Variants in ELMO1 observed in about 807,000 individuals in gnomAD.
ELMO1 encodes engulfment and cell motility protein 1.
ELMO1 carries 26 observed loss-of-function variants against 98.9 expected under a neutral mutation model. The observed-to-expected ratio is 0.26, with a 90% confidence interval of 0.19 to 0.36. The LOEUF is 0.36. Among genes scored for constraint, ELMO1 ranks in the 10% least tolerant of loss-of-function variants. The pLI is 1.00. For synonymous variants in ELMO1, 346 were observed against 346.0 expected, an observed-to-expected ratio of 1.00 and a Z score of 0.00; for missense variants, 627 against 935.2, an observed-to-expected ratio of 0.67 and a Z score of 4.30.
intron 1 of ELMO1, among the ~76,000 whole-genome samples, chr7:37,444,256 A>G (rs1293294205): frequency 2.0e-5 from 3 of 152,230 alleles, no homozygotes; most frequent in Non-Finnish European, 2.9e-5. Flanking sequence ...AGAATCATTC[A>G]TGTGGGGAAC....
intron 19 of ELMO1, among the ~76,000 whole-genome samples, chr7:36,875,237 A>G (rs751775672): frequency 2.0e-5 from 3 of 151,738 alleles, no homozygotes; most frequent in Non-Finnish European, 4.4e-5. Flanking sequence ...GCAGGCCTGC[A>G]GCAAGAAACT....
intron 1 of ELMO1, among the ~76,000 whole-genome samples, chr7:37,399,150 G>T (rs1803418427): frequency 6.6e-6 from 1 of 152,082 alleles, no homozygotes; most frequent in Admixed American, 6.5e-5. Context: ...TCCTTGATCT[G>T]CCCCCTGCTG....
chr7:37,426,184 C>T (rs1367045383), intron 1 of ELMO1, among the ~76,000 whole-genome samples: 2 of 113,102 alleles, frequency 1.8e-5, no homozygotes, highest in African/African-American at 6.9e-5. Flanking sequence ...GATGGAGTCT[C>T]ATTCTGTCAC....
At chr7:37,406,242 G>C (rs1308261167) in intron 1 of ELMO1, among the ~76,000 whole-genome samples, 1 of 150,670 alleles carries the variant, frequency 6.6e-6, no homozygotes, top group Non-Finnish European at 1.5e-5. Flanking sequence ...TGGTGCAAGG[G>C]AGAAATCTGC....
chr7:37,033,016 C>A (rs937232706), intron 15 of ELMO1, among the ~76,000 whole-genome samples: 1 of 152,150 alleles, frequency 6.6e-6, no homozygotes, highest in Non-Finnish European at 1.5e-5. Flanking sequence ...TTAGCCAAAA[C>A]GCCGAGAAGC....
intron 14 of ELMO1, among the ~76,000 whole-genome samples, chr7:37,123,608 A>T (rs1205850298): frequency 6.6e-6 from 1 of 152,242 alleles, no homozygotes; most frequent in Non-Finnish European, 1.5e-5. Flanking sequence ...ATCTCTGAAT[A>T]GACCAATAAC....
In ELMO1 at chr7:37,342,838, CT is replaced by C; in HGVS notation, c.-73-76del. The C allele has an allele frequency of 1.5e-6, 1 of 681,156 alleles. No individual in the cohort carries two copies. The allele number at this position is 681,156 out of a possible 1,614,324, so 42.2% of individuals were successfully genotyped here. On this transcript the variant is annotated intron_variant, in intron 1 of 21. Coordinates refer to ENST00000310758, the MANE Select transcript of ELMO1 (RefSeq NM_014800.11). This position sits in a 1 kb window ranked among gnomAD's most constrained non-coding sequence, Gnocchi z 4.3. ...AGGGTGAATTTTGCTTCATCACTTC[CT>C]GTTTTCACTGGTGGTTTGGTATGAA...
chr7:37,092,028 A>G (rs1439257575), intron 15 of ELMO1, among the ~76,000 whole-genome samples: 1 of 152,210 alleles, frequency 6.6e-6, no homozygotes, highest in Non-Finnish European at 1.5e-5. Flanking sequence ...AAACCATATC[A>G]TCCCTCAATC....
chr7:37,183,557 G>T (rs371997433), intron 13 of ELMO1, among the ~76,000 whole-genome samples: 41 of 56,850 alleles, frequency 7.2e-4, no homozygotes, highest in African/African-American at 2.7e-3. Context: ...TCAGGACCCA[G>T]AAGAGAGAGA....
chr7:36,913,912 T>C (rs1451976211), intron 16 of ELMO1, among the ~76,000 whole-genome samples: 1 of 152,204 alleles, frequency 6.6e-6, no homozygotes. Flanking sequence ...TGTTTGGAGT[T>C]TTAAAACTCC....
chr7:37,110,159 G>A lies in ELMO1; in HGVS notation c.1192-13432C>T, dbSNP rs1431602434. Among the ~76,000 whole-genome samples, 2 of 152,300 alleles carry A rather than the reference G, an allele frequency of 1.3e-5. 1 individual carries two copies. The highest frequency in any genetic ancestry group is 6.8e-3 in the Middle Eastern group (2 of 294). On this transcript the variant is annotated intron_variant, in intron 14 of 21. Coordinates refer to ENST00000310758, the MANE Select transcript of ELMO1 (RefSeq NM_014800.11). Reference sequence around the variant, plus strand: ...AAATATCAGGGAGATTAATTATCTCGCAGATGTTACATGCCAAAAAGGCTA... The same window carrying A: ...AAATATCAGGGAGATTAATTATCTCACAGATGTTACATGCCAAAAAGGCTA...
intron 5 of ELMO1, chr7:37,270,776 T>C (rs1176579886): frequency 1.3e-5 from 2 of 152,094 alleles, no homozygotes; most frequent in Non-Finnish European, 2.9e-5. Context: ...TTATGTAGAA[T>C]CAGCTGTCAA....
chr7:37,445,660 A>T (rs1488493946), intron 1 of ELMO1, among the ~76,000 whole-genome samples: 3 of 147,032 alleles, frequency 2.0e-5, no homozygotes, highest in Non-Finnish European at 4.5e-5. Flanking sequence ...GTAATTTAGT[A>T]AATGTTCAAG....
chr7:36,868,659 A>G (rs938122052), intron 20 of ELMO1, among the ~76,000 whole-genome samples: 5 of 152,120 alleles, frequency 3.3e-5, no homozygotes, highest in Admixed American at 2.0e-4. Context: ...GCTTCTCCTT[A>G]TTCTGAGGAT....
In ELMO1 at chr7:37,169,827, G is replaced by A. The variant is rs78374965; in HGVS notation, c.1087-36593C>T. 2.1e-3 allele frequency among the ~76,000 whole-genome samples: 327 copies of A among 152,218 alleles called. 3 individuals are homozygous for A. The highest frequency in any genetic ancestry group is 7.1e-3 in the African/African-American group (293 of 41,530). On this transcript the variant is annotated intron_variant, in intron 13 of 21. Coordinates refer to ENST00000310758, the MANE Select transcript of ELMO1 (RefSeq NM_014800.11). ...ATTTTGGCTTACGAGCACAGTGAAC[G>A]TCCACAATTCTCATCTGAAACACTA... is the stretch of plus-strand genomic sequence containing the variant.
intron 13 of ELMO1, among the ~76,000 whole-genome samples, chr7:37,188,409 T>TAC (rs566236838): frequency 0.11 from 12,726 of 115,618 alleles, 781 homozygotes; most frequent in Middle Eastern, 0.16. Context: ...TGCTTCTTGT[T>TAC]ACACACACAC....
chr7:37,401,347 G>A (rs1329914964), intron 1 of ELMO1, among the ~76,000 whole-genome samples: 1 of 152,176 alleles, frequency 6.6e-6, no homozygotes, highest in African/African-American at 2.4e-5. Context: ...GCAGAAGCAG[G>A]AAGGTCACTC....
chr7:37,208,040 T>G (rs1382610582), intron 13 of ELMO1, among the ~76,000 whole-genome samples: 1 of 152,252 alleles, frequency 6.6e-6, no homozygotes, highest in Non-Finnish European at 1.5e-5. Flanking sequence ...TGTGGTTTAT[T>G]ACCTTTTAAT....
intron 1 of ELMO1, among the ~76,000 whole-genome samples, chr7:37,379,337 G>A (rs1323473666): frequency 2.6e-5 from 4 of 152,126 alleles, no homozygotes; most frequent in African/African-American, 9.6e-5. Flanking sequence ...CACCGCGCCC[G>A]GCCTCATCAC....
Sources: allele counts gnomAD v4.1 joint callset (sites outside exome capture counted in the v4.1 genomes callset), GRCh38; gene constraint gnomAD v4.1.1; non-coding constraint Gnocchi (gnomAD v3.1); transcripts MANE v1.5; gene names NCBI Gene and HGNC (gene_info 2026-07-23, HGNC 2026-07-21).